The following ZNF804B variants were observed in gnomAD, a reference collection of about 807,000 sequenced individuals.
ZNF804B encodes the protein zinc finger 804B.
A neutral mutation model predicts 101.4 loss-of-function variants in ZNF804B; 80 were observed. The ratio of observed to expected loss-of-function variants is 0.79; its 90% CI spans 0.66 to 0.95. The LOEUF (loss-of-function observed/expected upper bound fraction) is 0.95, where lower values mean the gene tolerates loss of function less well. ZNF804B is among the 40% of genes least tolerant of loss of function. The probability of loss-of-function intolerance (pLI) is 0.00; values close to 1 mark genes in which losing one functional copy is unlikely to be tolerated. For missense variants in ZNF804B, 1,673 were observed against 1,561.9 expected (o/e 1.07, Z -1.20); for synonymous variants, 622 against 558.8 (o/e 1.11, Z -1.59).
intron 2 of ZNF804B, among the ~76,000 whole-genome samples, chr7:89,245,694 A>C (rs1789432218): frequency 6.6e-6 from 1 of 152,162 alleles, no homozygotes; most frequent in Non-Finnish European, 1.5e-5. Context: ...GGAACAGTGC[A>C]TAAATATTAA....
At chr7:89,088,401 G>C (rs1789837694) in intron 1 of ZNF804B, among the ~76,000 whole-genome samples, 1 of 151,848 alleles carries the variant, frequency 6.6e-6, no homozygotes, top group African/African-American at 2.4e-5. Flanking sequence ...GTAGCCACTT[G>C]AAATCTATAA....
At chr7:89,119,017 T>A (rs1790359287) in intron 1 of ZNF804B, among the ~76,000 whole-genome samples, 1 of 152,210 alleles carries the variant, frequency 6.6e-6, no homozygotes, top group Admixed American at 6.5e-5. Flanking sequence ...TCATATATAC[T>A]TTTTTGATCT....
intron 1 of ZNF804B, among the ~76,000 whole-genome samples, chr7:88,832,934 A>G (rs967041209): frequency 1.3e-5 from 2 of 151,958 alleles, no homozygotes; most frequent in African/African-American, 2.4e-5. Context: ...TTCTTGCACT[A>G]TGAACTCTGA....
At chr7:89,136,931 G>A (rs1379912273) in intron 1 of ZNF804B, among the ~76,000 whole-genome samples, 1 of 152,010 alleles carries the variant, frequency 6.6e-6, no homozygotes, top group East Asian at 1.9e-4. Context: ...ATGGCTTTGT[G>A]AGGCAGAGCT....
At chr7:88,945,887 G>A (rs940801651) in intron 1 of ZNF804B, among the ~76,000 whole-genome samples, 6 of 151,978 alleles carry the variant, frequency 3.9e-5, no homozygotes, top group East Asian at 3.9e-4. Flanking sequence ...TTGGCTCTCC[G>A]TTTGTCTATT....
chr7:89,007,030 A>G (rs1788376987), intron 1 of ZNF804B, among the ~76,000 whole-genome samples: 1 of 152,080 alleles, frequency 6.6e-6, no homozygotes, highest in South Asian at 2.1e-4. Flanking sequence ...CACGACCTTC[A>G]GCACTATATG....
chr7:88,838,635 A>G (rs1362743021), intron 1 of ZNF804B, among the ~76,000 whole-genome samples: 9 of 151,988 alleles, frequency 5.9e-5, no homozygotes, highest in African/African-American at 2.2e-4. Context: ...CTCCTAATTT[A>G]CAGAGTACAT....
intron 1 of ZNF804B, among the ~76,000 whole-genome samples, chr7:88,853,643 A>G (rs1292676761): frequency 6.6e-6 from 1 of 152,102 alleles, no homozygotes; most frequent in Non-Finnish European, 1.5e-5. Flanking sequence ...TATATAACTC[A>G]AATATAGAAA....
chr7:89,017,897 A>T (rs1175895581), intron 1 of ZNF804B, among the ~76,000 whole-genome samples: 1 of 152,040 alleles, frequency 6.6e-6, no homozygotes, highest in Non-Finnish European at 1.5e-5. Context: ...TCTGTTCATT[A>T]GTTCTAAAAG....
intron 2 of ZNF804B, among the ~76,000 whole-genome samples, chr7:89,258,479 C>T (rs1259058038): frequency 2.6e-5 from 4 of 152,066 alleles, no homozygotes; most frequent in Non-Finnish European, 5.9e-5. Flanking sequence ...TTAGGAAAAG[C>T]CATATAGTTG....
intron 1 of ZNF804B, among the ~76,000 whole-genome samples, chr7:89,026,499 C>G (rs1788754024): frequency 6.6e-6 from 1 of 151,946 alleles, no homozygotes; most frequent in South Asian, 2.1e-4. Context: ...TGAAGAAAGG[C>G]CACATTAGAT....
chr7:89,006,924 G>T (rs2116183668), intron 1 of ZNF804B, among the ~76,000 whole-genome samples: 1 of 152,214 alleles, frequency 6.6e-6, no homozygotes, highest in African/African-American at 2.4e-5. Context: ...CCTTCTTCAT[G>T]ACAGGGTCAA....
intron 1 of ZNF804B, among the ~76,000 whole-genome samples, chr7:88,970,000 C>T (rs1043232927): frequency 6.6e-6 from 1 of 151,248 alleles, no homozygotes; most frequent in African/African-American, 2.4e-5. Context: ...TCTCTTCCTC[C>T]TTTGCTCCTT....
At chr7:89,123,427 G>C (rs1236556391) in intron 1 of ZNF804B, among the ~76,000 whole-genome samples, 1 of 152,066 alleles carries the variant, frequency 6.6e-6, no homozygotes, top group Non-Finnish European at 1.5e-5. Flanking sequence ...ATGCATCAGT[G>C]ATACACTGTA....
At chr7:89,158,015 G>T (rs1023479839) in intron 1 of ZNF804B, among the ~76,000 whole-genome samples, 52 of 151,934 alleles carry the variant, frequency 3.4e-4, no homozygotes, top group Non-Finnish European at 7.2e-4. Flanking sequence ...CTAATGTTTT[G>T]GAATATGTAT....
At chr7:89,010,508 G>A (rs951253195) in intron 1 of ZNF804B, among the ~76,000 whole-genome samples, 3 of 152,130 alleles carry the variant, frequency 2.0e-5, no homozygotes, top group African/African-American at 7.2e-5. Context: ...GGTTCCTAAA[G>A]CAAGTAAAAA....
intron 1 of ZNF804B, among the ~76,000 whole-genome samples, chr7:89,077,009 C>T (rs1439838278): frequency 6.6e-6 from 1 of 151,900 alleles, no homozygotes; most frequent in African/African-American, 2.4e-5. Flanking sequence ...TATTCGGTGA[C>T]ATAATCTGCA....
At chr7:89,195,027 G>C (rs535180100) in intron 1 of ZNF804B, among the ~76,000 whole-genome samples, 50 of 151,656 alleles carry the variant, frequency 3.3e-4, no homozygotes, top group African/African-American at 1.2e-3. Flanking sequence ...ATGCAAGGCT[G>C]GTTCAATATA....
At chr7:89,018,278 T>A (rs1788603103) in intron 1 of ZNF804B, among the ~76,000 whole-genome samples, 1 of 152,118 alleles carries the variant, frequency 6.6e-6, no homozygotes, top group Non-Finnish European at 1.5e-5. Flanking sequence ...ATCATATGAT[T>A]TTACTCTTTT....
Sources: gnomAD v4.1 joint callset for allele counts (sites outside exome capture counted in the v4.1 genomes callset) on GRCh38, gnomAD v4.1.1 for gene constraint, MANE v1.5 for transcripts, NCBI Gene and HGNC (gene_info 2026-07-23, HGNC 2026-07-21) for gene names.